Variants in RBFOX1 observed in about 807,000 individuals in gnomAD.
The protein encoded by RBFOX1 is RNA binding fox-1 homolog 1.
A neutral mutation model predicts 57.7 loss-of-function variants in RBFOX1; 8 were observed. The observed-to-expected ratio is 0.14, with a 90% CI of 0.08 to 0.25. The LOEUF is 0.25. RBFOX1 is among the 10% of genes least tolerant of loss of function. RBFOX1 has a pLI of 1.00. For synonymous variants in RBFOX1, 326 were observed against 222.4 expected (o/e 1.47, Z -4.15); for missense variants, 611 against 548.5 (o/e 1.11, Z -1.14).
At chr16:7,098,904 T>C (rs1489295920) in intron 4 of RBFOX1, among the ~76,000 whole-genome samples, 2 of 152,150 alleles carry the variant, frequency 1.3e-5, no homozygotes, top group Non-Finnish European at 2.9e-5. Context: ...TCTTCATCTT[T>C]AAAATGGGAC....
intron 4 of RBFOX1, among the ~76,000 whole-genome samples, chr16:7,152,452 A>G (rs1055529232): frequency 1.4e-4 from 21 of 152,236 alleles, no homozygotes; most frequent in Admixed American, 1.2e-3. Context: ...TGGTTATCAT[A>G]GTTCAAAACT....
chr16:6,792,935 C>T (rs1350910331), intron 3 of RBFOX1, among the ~76,000 whole-genome samples: 2 of 150,776 alleles, frequency 1.3e-5, no homozygotes, highest in Non-Finnish European at 2.9e-5. Context: ...GAGGCTGAGG[C>T]AGAGAATTGC....
At chr16:6,104,845 A>G (rs1391127815) in intron 1 of RBFOX1, among the ~76,000 whole-genome samples, 1 of 152,226 alleles carries the variant, frequency 6.6e-6, no homozygotes, top group Admixed American at 6.5e-5. Flanking sequence ...GCAAAAGACT[A>G]CTTATTATGA....
chr16:6,606,790 C>A (rs576252016), intron 2 of RBFOX1, among the ~76,000 whole-genome samples: 7 of 152,252 alleles, frequency 4.6e-5, no homozygotes, highest in Admixed American at 3.9e-4. Flanking sequence ...CACGTCTTTG[C>A]TACAGTGAAT....
At chr16:5,920,691 A>G (rs903075509) in intron 4 of RBFOX1, among the ~76,000 whole-genome samples, 1 of 152,116 alleles carries the variant, frequency 6.6e-6, no homozygotes, top group East Asian at 1.9e-4. Flanking sequence ...CCCAGGTAGG[A>G]TCCTCGTCCT....
chr16:6,802,915 C>T (rs968280882), intron 3 of RBFOX1, among the ~76,000 whole-genome samples: 1 of 152,092 alleles, frequency 6.6e-6, no homozygotes, highest in African/African-American at 2.4e-5. Flanking sequence ...TTTTAGTTTC[C>T]CTTAGGGTTA....
chr16:6,916,974 C>T (rs1368015479), intron 3 of RBFOX1, among the ~76,000 whole-genome samples: 2 of 152,122 alleles, frequency 1.3e-5, no homozygotes, highest in Non-Finnish European at 2.9e-5. Flanking sequence ...CTCAGCCTCC[C>T]AAGTAGGTAG....
intron 15 of RBFOX1, chr16:7,709,484 A>C: frequency 6.8e-7 from 1 of 1,462,226 alleles, no homozygotes; most frequent in Non-Finnish European, 9.0e-7. Context: ...CTTGCTGCTC[A>C]TTCACATAGC....
chr16:6,412,786 G>A (rs187671228), intron 2 of RBFOX1, among the ~76,000 whole-genome samples: 83 of 152,296 alleles, frequency 5.4e-4, no homozygotes, highest in Non-Finnish European at 8.2e-4. Flanking sequence ...GATTCAGTGA[G>A]CAAGAGTGTG....
At chr16:7,482,541 GA>G (rs71394317) in intron 4 of RBFOX1, among the ~76,000 whole-genome samples, 14 of 122,754 alleles carry the variant, frequency 1.1e-4, no homozygotes, top group African/African-American at 4.8e-4. Flanking sequence ...GATTGCCTGG[GA>G]TTTTTTTTTT....
intron 4 of RBFOX1, among the ~76,000 whole-genome samples, chr16:7,190,380 T>G (rs117106235): frequency 0.017 from 2,564 of 152,162 alleles, 39 homozygotes; most frequent in Middle Eastern, 0.071. Flanking sequence ...AAAAATAATA[T>G]AAAATAAAAA....
chr16:5,875,569 C>A (rs1293349117), intron 4 of RBFOX1, among the ~76,000 whole-genome samples: 2 of 152,148 alleles, frequency 1.3e-5, no homozygotes, highest in Admixed American at 1.3e-4. Context: ...GTCCATAATA[C>A]ACACTAGTCG....
At chr16:5,564,321 G>T (rs771191461) in intron 2 of RBFOX1, among the ~76,000 whole-genome samples, 64 of 152,020 alleles carry the variant, frequency 4.2e-4, no homozygotes, top group Middle Eastern at 3.2e-3. Flanking sequence ...CCCAATTGAG[G>T]AGAGAGTTTC....
intron 1 of RBFOX1, among the ~76,000 whole-genome samples, chr16:6,311,912 C>A (rs557835685): frequency 3.9e-5 from 6 of 152,268 alleles, no homozygotes; most frequent in Admixed American, 3.3e-4. Context: ...TGGTATCAAG[C>A]AACCCTGGGC....
At chr16:6,821,587 G>A (rs188582530) in intron 3 of RBFOX1, among the ~76,000 whole-genome samples, 14 of 152,160 alleles carry the variant, frequency 9.2e-5, no homozygotes, top group Admixed American at 3.3e-4. Context: ...ACCACTGGTC[G>A]GTCTGTCACA....
intron 3 of RBFOX1, among the ~76,000 whole-genome samples, chr16:5,640,832 T>TGCACACACACACAC (rs1388358956): frequency 5.1e-5 from 3 of 58,890 alleles, no homozygotes; most frequent in African/African-American, 1.2e-4. Flanking sequence ...TACACATACA[T>TGCACACACACACAC]GCACACACAC....
chr16:7,199,344 T>C (rs997521383), intron 4 of RBFOX1, among the ~76,000 whole-genome samples: 4 of 152,148 alleles, frequency 2.6e-5, no homozygotes, highest in Non-Finnish European at 5.9e-5. Flanking sequence ...TTCTGTTTTA[T>C]CATTTGAAAA....
At chr16:5,320,134 G>T (rs2064362554) in intron 1 of RBFOX1, among the ~76,000 whole-genome samples, 1 of 152,186 alleles carries the variant, frequency 6.6e-6, no homozygotes, top group African/African-American at 2.4e-5. Flanking sequence ...TGTGCCATAG[G>T]TATGAACATG....
At position 5,594,082 on chromosome 16, in the gene RBFOX1, A is replaced by C. The variant is rs11861612; in HGVS notation, c.259-4820A>C. 5.0e-3 allele frequency among the ~76,000 whole-genome samples: 756 copies of C among 151,810 alleles called. 7 individuals are homozygous for C. Among genetic ancestry groups the C allele is most frequent in the African/African-American group, 0.017 (722 of 41,356 alleles). The stretch of plus-strand genomic sequence containing the variant: ...CACAATGTTGGTCCACGTAGGTTTT[A>C]CTGGCGCCATCATTGGGAACTCATC... On this transcript the variant is annotated intron_variant, in intron 2 of 2. Coordinates refer to the RBFOX1 transcript ENST00000585867.
Sources: allele counts gnomAD v4.1 joint callset (sites outside exome capture counted in the v4.1 genomes callset), GRCh38; gene constraint gnomAD v4.1.1; transcripts MANE v1.5; gene names NCBI Gene and HGNC (gene_info 2026-07-23, HGNC 2026-07-21).